The following PCDH7 variants were observed in gnomAD, a reference collection of about 807,000 sequenced individuals.
The protein encoded by PCDH7 is protocadherin 7.
In PCDH7, 17 loss-of-function variants were observed where a neutral mutation model predicts 58.9. The ratio of observed to expected loss-of-function variants is 0.29; its 90% CI spans 0.20 to 0.43. PCDH7 has a LOEUF of 0.43. Among genes scored for constraint, PCDH7 ranks in the 20% least tolerant of loss-of-function variants. The pLI, the probability that PCDH7 is intolerant of heterozygous loss-of-function variation, is 1.00. For synonymous variants in PCDH7, 664 were observed against 616.4 expected (o/e 1.08, Z -1.14); for missense variants, 1,274 against 1,441.0 (o/e 0.88, Z 1.88).
rs61539074 is a variant in PCDH7 at position 30,964,250 on chromosome 4, A to ATTTT, written c.*7+14041_*7+14044dup. ...TATTTATTTATTTATTTATTTATTT[A>ATTTT]TTTTTTTTTGAGATGAAATCTGGCT... On this transcript the variant is annotated intron_variant, in intron 3 of 3. Transcript: ENST00000509759. Among the ~76,000 whole-genome samples the ATTTT allele has an allele frequency of 9.3e-4, 99 of 106,784 alleles. 1 individual carries two copies. In the Middle Eastern group the frequency reaches 0.013, roughly 14 times the overall value. 70.1% of individuals were successfully genotyped at this position (106,784 alleles called of 152,430 possible).
At chr4:30,735,803 C>T (rs1300146371), downstream of PCDH7, among the ~76,000 whole-genome samples, 3 of 152,104 alleles carry the variant, frequency 2.0e-5, no homozygotes, top group Non-Finnish European at 4.4e-5. Context: ...GAATTTTGGG[C>T]CAGGGCCTTG....
Position 30,726,664 on chromosome 4 carries a change from A to G in PCDH7, c.3174+2068A>G, listed in dbSNP as rs998984995. On this transcript the variant is annotated intron_variant, in intron 1 of 1. Transcript: ENST00000361762. ...CCTCAAAGCAATTGGAATGAATCAC[A>G]CAGTTTGCCAAAAGTGACTTTGGAA... 3.9e-5 allele frequency among the ~76,000 whole-genome samples: 6 copies of G among 152,146 alleles called. 1 individual carries two copies. The highest frequency in any genetic ancestry group is 3.9e-4 in the Admixed American group (6 of 15,296).
chr4:30,791,941 A>G (rs1341991857), intron 1 of PCDH7, among the ~76,000 whole-genome samples: 1 of 152,250 alleles, frequency 6.6e-6, no homozygotes, highest in Admixed American at 6.5e-5. Context: ...ATAAAAAGAT[A>G]ACACTGATTA....
intron 3 of PCDH7, among the ~76,000 whole-genome samples, chr4:31,015,835 G>A (rs1753564698): frequency 6.6e-6 from 1 of 152,084 alleles, no homozygotes; most frequent in Admixed American, 6.5e-5. Context: ...ATTAATTATA[G>A]ATCACTTTTG....
intron 1 of PCDH7, among the ~76,000 whole-genome samples, chr4:30,871,375 A>G (rs1735560188): frequency 6.6e-6 from 1 of 151,984 alleles, no homozygotes; most frequent in Admixed American, 6.6e-5. Flanking sequence ...GGACCTCTGA[A>G]CCAACTGCTA....
intron 3 of PCDH7, among the ~76,000 whole-genome samples, chr4:31,093,181 G>A (rs1205739450): frequency 6.6e-6 from 1 of 152,062 alleles, no homozygotes; most frequent in Non-Finnish European, 1.5e-5. Context: ...GGTGTTTATT[G>A]TAAACCACAA....
intron 1 of PCDH7, among the ~76,000 whole-genome samples, chr4:30,786,940 A>C (rs1248711371): frequency 6.6e-6 from 1 of 152,078 alleles, no homozygotes; most frequent in East Asian, 1.9e-4. Flanking sequence ...GAAAACAAAA[A>C]AGGCTTTAAA....
rs371776490 is a variant in PCDH7 at position 30,784,959 on chromosome 4, T to C, written c.70+60363T>C. On this transcript the variant is annotated intron_variant, in intron 1 of 3. Transcript: ENST00000509759. The stretch of plus-strand genomic sequence containing the variant: ...TGATACTATGATATAACAAGTAATA[T>C]GATTTCCCTAATTGGTTATTTCCAA... 8.5e-5 allele frequency among the ~76,000 whole-genome samples: 13 copies of C among 152,114 alleles called. No individual in the cohort carries two copies. The East Asian group carries it at 1.5e-3, about 18-fold the overall frequency.
chr4:30,910,725 T>A (rs1438605488), intron 1 of PCDH7, among the ~76,000 whole-genome samples: 4 of 152,174 alleles, frequency 2.6e-5, no homozygotes, highest in Admixed American at 6.5e-5. Context: ...ATAAATTAGT[T>A]CAACCATTCT....
In PCDH7 at chr4:30,905,723, G is replaced by A. The variant is rs377541387; in HGVS notation, c.71-14430G>A. On this transcript the variant is annotated intron_variant, in intron 1 of 3. Transcript: ENST00000509759. ...TGACTAGGACTCCCTCTGTCTTCCTGTCTTTCTGTGGGTGTAATCATAGAG... is the reference window on the plus strand; with the variant it reads ...TGACTAGGACTCCCTCTGTCTTCCTATCTTTCTGTGGGTGTAATCATAGAG... Among the ~76,000 whole-genome samples the A allele has an allele frequency of 9.8e-5, 15 of 152,296 alleles. 1 individual carries two copies. In the South Asian group the frequency reaches 3.1e-3, roughly 32 times the overall value.
intron 2 of PCDH7, among the ~76,000 whole-genome samples, chr4:30,945,136 T>C (rs1269330318): frequency 6.6e-6 from 1 of 152,090 alleles, no homozygotes; most frequent in Non-Finnish European, 1.5e-5. Flanking sequence ...TTAAATAAGA[T>C]TAATGAGCAT....
intron 3 of PCDH7, among the ~76,000 whole-genome samples, chr4:31,036,482 C>G (rs1312615771): frequency 2.0e-5 from 3 of 152,102 alleles, no homozygotes; most frequent in Non-Finnish European, 4.4e-5. Flanking sequence ...GCCACTGTGT[C>G]CAGCCTGTAG....
intron 1 of PCDH7, among the ~76,000 whole-genome samples, chr4:30,777,530 G>T (rs984285465): frequency 4.6e-5 from 7 of 152,110 alleles, no homozygotes; most frequent in African/African-American, 1.7e-4. Flanking sequence ...CTGTATGGGA[G>T]TCACTGGTAG....
chr4:31,138,769 C>A (rs972539030), intron 3 of PCDH7, among the ~76,000 whole-genome samples: 4 of 151,998 alleles, frequency 2.6e-5, no homozygotes, highest in African/African-American at 9.7e-5. Context: ...GTCAGAAGTT[C>A]AAGACCAGCC....
chr4:30,993,212 A>G (rs1240793632), intron 3 of PCDH7, among the ~76,000 whole-genome samples: 2 of 152,208 alleles, frequency 1.3e-5, no homozygotes, highest in Non-Finnish European at 2.9e-5. Context: ...GAGCTAAGGT[A>G]TATGCCTACC....
intron 1 of PCDH7, among the ~76,000 whole-genome samples, chr4:30,835,988 C>CCTTA (rs1730440756): frequency 6.6e-6 from 1 of 152,130 alleles, no homozygotes; most frequent in African/African-American, 2.4e-5. Context: ...TACTACCTTA[C>CCTTA]CTTAGATAAT....
chr4:30,976,169 GAGAC>G (rs1033102963), intron 3 of PCDH7, among the ~76,000 whole-genome samples: 36 of 151,722 alleles, frequency 2.4e-4, no homozygotes, highest in South Asian at 2.1e-4. Flanking sequence ...GTTTTTTTCT[GAGAC>G]AGAGTTTCGC....
chr4:30,819,328 G>A (rs1466389827), intron 1 of PCDH7, among the ~76,000 whole-genome samples: 1 of 152,100 alleles, frequency 6.6e-6, no homozygotes, highest in Non-Finnish European at 1.5e-5. Flanking sequence ...GGGTAGAGCG[G>A]TGCTGCTTTT....
chr4:30,967,719 G>T, intron 3 of PCDH7, among the ~76,000 whole-genome samples: 1 of 152,094 alleles, frequency 6.6e-6, no homozygotes, highest in East Asian at 1.9e-4. Flanking sequence ...AATGTTTTGA[G>T]TAGCATTTTC....
Sources: gnomAD v4.1 joint callset for allele counts (sites outside exome capture counted in the v4.1 genomes callset) on GRCh38, gnomAD v4.1.1 for gene constraint, MANE v1.5 for transcripts, NCBI Gene and HGNC (gene_info 2026-07-23, HGNC 2026-07-21) for gene names.